MACROD2: variants seen among roughly 807,000 people sequenced by gnomAD.
MACROD2 encodes mono-ADP ribosylhydrolase 2, also known as ADP-ribose glycohydrolase MACROD2.
A neutral mutation model predicts 70.4 loss-of-function variants in MACROD2; 36 were observed. That is an observed-to-expected ratio of 0.51 (90% CI 0.39 to 0.68). The LOEUF is 0.68. Ranked by LOEUF, MACROD2 falls within the 30% of genes least tolerant of loss-of-function variation. The pLI is 0.00. For missense variants in MACROD2, 496 were observed against 538.4 expected (o/e 0.92, Z 0.78); for synonymous variants, 172 against 178.8 (o/e 0.96, Z 0.30).
intron 5 of MACROD2, among the ~76,000 whole-genome samples, chr20:14,984,713 T>C (rs1432220193): frequency 6.6e-6 from 1 of 152,120 alleles, no homozygotes; most frequent in Non-Finnish European, 1.5e-5. Context: ...AGCTGTAATT[T>C]GAGAATAACA....
intron 5 of MACROD2, among the ~76,000 whole-genome samples, chr20:14,768,648 G>A (rs926473840): frequency 1.3e-5 from 2 of 151,634 alleles, no homozygotes; most frequent in African/African-American, 4.9e-5. Context: ...ATGGAGTCTC[G>A]CTCTGTTGCC....
intron 8 of MACROD2, among the ~76,000 whole-genome samples, chr20:15,690,878 A>G (rs2050291353): frequency 6.6e-6 from 1 of 152,130 alleles, no homozygotes; most frequent in African/African-American, 2.4e-5. Flanking sequence ...TATATTTATT[A>G]TGTCATTTTT....
At position 15,057,128 on chromosome 20, in the gene MACROD2, A is replaced by G. The variant is rs534343623; in HGVS notation, c.419-172812A>G. Among the ~76,000 whole-genome samples, 6 of 152,316 alleles carry G rather than the reference A, an allele frequency of 3.9e-5. No homozygotes were observed. The East Asian group carries it at 5.8e-4, about 15-fold the overall frequency. On this transcript the variant is annotated intron_variant, in intron 5 of 17. Coordinates refer to ENST00000684519, the MANE Select transcript of MACROD2 (RefSeq NM_001351661.2). ...TATTTTTTAAAAAAGTGTGTGTGAT[A>G]GCTTTATATGATATCAATAATGACG...
intron 3 of MACROD2, among the ~76,000 whole-genome samples, chr20:14,436,946 T>C (rs779405948): frequency 6.6e-6 from 1 of 152,210 alleles, no homozygotes; most frequent in African/African-American, 2.4e-5. Flanking sequence ...TTTAGCATTA[T>C]TGCTTTAAAC....
chr20:14,938,769 A>G (rs895550482), intron 5 of MACROD2, among the ~76,000 whole-genome samples: 3 of 143,124 alleles, frequency 2.1e-5, no homozygotes, highest in Admixed American at 6.8e-5. Context: ...TGACTGTCTC[A>G]AAACAAAACA....
chr20:14,932,749 G>A (rs1295322291), intron 5 of MACROD2, among the ~76,000 whole-genome samples: 1 of 151,936 alleles, frequency 6.6e-6, no homozygotes, highest in East Asian at 1.9e-4. Flanking sequence ...TGTATTTTTA[G>A]TAGAGATGAG....
intron 5 of MACROD2, among the ~76,000 whole-genome samples, chr20:14,784,311 T>G (rs907551573): frequency 6.6e-6 from 1 of 152,122 alleles, no homozygotes; most frequent in African/African-American, 2.4e-5. Context: ...GAGCCTTTGT[T>G]CAGGACGGAG....
At chr20:15,637,486 C>T (rs1207861705) in intron 8 of MACROD2, among the ~76,000 whole-genome samples, 1 of 152,192 alleles carries the variant, frequency 6.6e-6, no homozygotes, top group East Asian at 1.9e-4. Context: ...TTTTCAACAC[C>T]ATTTGGTCCA....
At chr20:14,942,659 G>T (rs2074399955) in intron 5 of MACROD2, among the ~76,000 whole-genome samples, 1 of 152,202 alleles carries the variant, frequency 6.6e-6, no homozygotes, top group African/African-American at 2.4e-5. Context: ...AATGTCACAT[G>T]TCAGCTGAAA....
intron 6 of MACROD2, among the ~76,000 whole-genome samples, chr20:15,389,118 G>A (rs2045758248): frequency 6.6e-6 from 1 of 152,136 alleles, no homozygotes; most frequent in African/African-American, 2.4e-5. Context: ...AGTTAAGGAT[G>A]GGCCAAGTGG....
Position 15,561,130 on chromosome 20 carries a change from AACGCT to A in MACROD2, c.645+61286_645+61290del, listed in dbSNP as rs143226503. Among the ~76,000 whole-genome samples, 386 of 152,324 alleles carry A rather than the reference AACGCT, an allele frequency of 2.5e-3. 9 individuals carry two copies. In the East Asian group the frequency reaches 0.05, roughly 20 times the overall value. On this transcript the variant is annotated intron_variant, in intron 8 of 17. Coordinates refer to ENST00000684519, the MANE Select transcript of MACROD2 (RefSeq NM_001351661.2). The stretch of plus-strand genomic sequence containing the variant: ...ATGGAGGCAGTGAGTATTGTAAGAG[AACGCT>A]ACTCAATGACATCATTCATGGTCTT...
intron 2 of MACROD2, among the ~76,000 whole-genome samples, chr20:14,033,093 T>C (rs980033162): frequency 1.3e-5 from 2 of 151,284 alleles, no homozygotes; most frequent in African/African-American, 4.8e-5. Context: ...TTCTTTTTTT[T>C]TTTTTTTTAA....
chr20:14,218,838 T>A (rs1177759934), intron 3 of MACROD2, among the ~76,000 whole-genome samples: 1 of 152,194 alleles, frequency 6.6e-6, no homozygotes, highest in African/African-American at 2.4e-5. Flanking sequence ...AATTGTTTTG[T>A]TTGAGGAGGC....
At chr20:14,227,906 C>T (rs2081757426) in intron 3 of MACROD2, among the ~76,000 whole-genome samples, 1 of 152,144 alleles carries the variant, frequency 6.6e-6, no homozygotes, top group Admixed American at 6.5e-5. Flanking sequence ...TCTGTAACAG[C>T]TGTTCAGTCT....
chr20:14,127,540 T>C, intron 3 of MACROD2: 1 of 494,062 alleles, frequency 2.0e-6, no homozygotes. Context: ...AGAAAGCCAT[T>C]TTTGCAGGCA....
Position 15,623,679 on chromosome 20 carries a change from CCTATCTAT to C in MACROD2, c.645+123866_645+123873del, listed in dbSNP as rs3071265. ...TTAACTAAGTTTAGCAAGTTATCTG[CCTATCTAT>C]CTATCTATCTATCTATCTATCTATC... On this transcript the variant is annotated intron_variant, in intron 8 of 17. Transcript: ENST00000684519. 1.0e-2 allele frequency among the ~76,000 whole-genome samples: 1,482 copies of C among 148,236 alleles called. 23 individuals carry two copies. The highest frequency in any genetic ancestry group is 0.093 in the East Asian group (463 of 4,990).
intron 4 of MACROD2, among the ~76,000 whole-genome samples, chr20:14,622,368 A>C (rs1234183000): frequency 1.3e-5 from 2 of 152,134 alleles, no homozygotes; most frequent in African/African-American, 4.8e-5. Context: ...TTTTTAAAAA[A>C]AAATGCTGTG....
intron 8 of MACROD2, among the ~76,000 whole-genome samples, chr20:15,791,539 T>TG (rs1600897408): frequency 2.0e-5 from 3 of 151,980 alleles, no homozygotes; most frequent in Admixed American, 2.0e-4. Flanking sequence ...AAGCATCATT[T>TG]GGGGGGATGT....
chr20:15,006,616 TTTTA>T lies in MACROD2; in HGVS notation c.419-223318_419-223315del, dbSNP rs930098594. Among the ~76,000 whole-genome samples the T allele has an allele frequency of 1.8e-4, 28 of 152,312 alleles. No individual in the cohort carries two copies. In the South Asian group the frequency reaches 2.1e-3, roughly 11 times the overall value. ...GCTGTATACCTTGCATATATATATT[TTTTA>T]TTTATCAGTTATATCTACAAGCTGA... On this transcript the variant is annotated intron_variant, in intron 5 of 17. Coordinates refer to ENST00000684519, the MANE Select transcript of MACROD2 (RefSeq NM_001351661.2).
Sources: allele counts gnomAD v4.1 joint callset (sites outside exome capture counted in the v4.1 genomes callset), GRCh38; gene constraint gnomAD v4.1.1; transcripts MANE v1.5; gene names NCBI Gene and HGNC (gene_info 2026-07-23, HGNC 2026-07-21).